The following FOXK2 variants were observed in gnomAD, a reference collection of about 807,000 sequenced individuals.
FOXK2 encodes forkhead box K2, also known as forkhead box protein K2.
In FOXK2, 24 loss-of-function variants were observed where a neutral mutation model predicts 53.3. The observed-to-expected ratio is 0.45, with a 90% confidence interval of 0.33 to 0.63. The LOEUF (loss-of-function observed/expected upper bound fraction) is 0.63. Ranked by LOEUF, FOXK2 falls within the 30% of genes least tolerant of loss-of-function variation. The pLI, the probability that FOXK2 is intolerant of heterozygous loss-of-function variation, is 0.03. For synonymous variants in FOXK2, 505 were observed against 407.1 expected, an observed-to-expected ratio of 1.24 and a Z score of -2.89; for missense variants, 952 against 910.5, an observed-to-expected ratio of 1.05 and a Z score of -0.59.
intron 1 of FOXK2, among the ~76,000 whole-genome samples, chr17:82,538,536 G>T (rs562162469): frequency 6.6e-6 from 1 of 152,216 alleles, no homozygotes; most frequent in Non-Finnish European, 1.5e-5. Context: ...TACCGTCCTC[G>T]CATTTGCCTT....
Position 82,586,044 on chromosome 17 carries a change from G to C in FOXK2, c.1420G>C (p.Val474Leu), listed in dbSNP as rs775896823. The change falls in exon 7 of 9, where the codon GTC becomes CTC. Residue 474 changes from valine to leucine, a missense_variant. Transcript: ENST00000335255. ...QPPVVQTVHVVHQIPAVSVTS... is the reference protein window; with the variant it reads ...QPPVVQTVHVLHQIPAVSVTS... Reference sequence around the variant, plus strand: ...ACCCGTCGTGCAGACGGTTCACGTCGTCCACCAGATCCCAGCGGTGTCGGT... The same window carrying C: ...ACCCGTCGTGCAGACGGTTCACGTCCTCCACCAGATCCCAGCGGTGTCGGT... The C allele has an allele frequency of 1.2e-6, 2 of 1,612,800 alleles. No homozygotes were observed. The highest frequency in any genetic ancestry group is 8.5e-7 in the Non-Finnish European group (1 of 1,179,986).
intron 4 of FOXK2, chr17:82,576,843 C>T (rs542799204): frequency 3.7e-6 from 2 of 544,226 alleles, no homozygotes; most frequent in Admixed American, 2.9e-5. Context: ...AGCAGCTGTT[C>T]TTCAATATAT....
intron 2 of FOXK2, among the ~76,000 whole-genome samples, chr17:82,566,511 C>T (rs139879276): frequency 6.6e-6 from 1 of 152,262 alleles, no homozygotes; most frequent in Non-Finnish European, 1.5e-5. Flanking sequence ...AGTCCTGCCG[C>T]CCAGTGCTTA....
intron 8 of FOXK2, among the ~76,000 whole-genome samples, chr17:82,595,187 C>T (rs2045297329): frequency 6.6e-6 from 1 of 152,208 alleles, no homozygotes; most frequent in Admixed American, 6.5e-5. Context: ...TTGCTTGTTT[C>T]TCTAAGACTT....
chr17:82,519,868 CG>C lies in FOXK2; in HGVS notation c.-16del. 5.1e-6 allele frequency: 5 copies of C among 972,702 alleles called. No individual in the cohort carries two copies. The highest frequency in any genetic ancestry group is 4.9e-6 in the Non-Finnish European group (4 of 822,248). 60.3% of individuals were successfully genotyped at this position (972,702 alleles called of 1,614,324 possible). On this transcript the variant is annotated 5_prime_UTR_variant, in exon 1 of 9. Coordinates refer to ENST00000335255, the MANE Select transcript of FOXK2 (RefSeq NM_004514.4). Reference sequence around the variant, plus strand: ...CCACCGGCGCCCGCGCGGAGCGGCCCGGGGGCCCTCACGCAGGCCCATGGCG... The same window carrying C: ...CCACCGGCGCCCGCGCGGAGCGGCCCGGGGCCCTCACGCAGGCCCATGGCG...
At chr17:82,563,098 T>A (rs2044815126) in intron 1 of FOXK2, among the ~76,000 whole-genome samples, 2 of 152,170 alleles carry the variant, frequency 1.3e-5, no homozygotes, top group African/African-American at 4.8e-5. Flanking sequence ...TGAGCTACGA[T>A]ACCTGGCCTT....
chr17:82,575,945 A>G (rs183199923), intron 4 of FOXK2, among the ~76,000 whole-genome samples: 1,366 of 84,700 alleles, frequency 0.016, no homozygotes, highest in Middle Eastern at 0.069. Flanking sequence ...CGGCGGGTTC[A>G]TCCACACCAG....
chr17:82,554,991 T>G (rs1330634620), intron 1 of FOXK2, among the ~76,000 whole-genome samples: 1 of 152,080 alleles, frequency 6.6e-6, no homozygotes, highest in African/African-American at 2.4e-5. Context: ...TCAGGTGATC[T>G]GCCCGCCTCG....
rs1004488034 is a variant in FOXK2, at chr17:82,582,883, G to A, written c.1052G>A (p.Arg351Gln). 1 of 1,612,514 alleles carries A rather than the reference G, an allele frequency of 6.2e-7. No individual in the cohort carries two copies. The highest frequency in any genetic ancestry group is 8.5e-7 in the Non-Finnish European group (1 of 1,179,756). The change falls in exon 5 of 9, where the codon CGG becomes CAG. Residue 351 changes from arginine (R) to glutamine (Q), a missense_variant. Arg to Gln is a conservative substitution (Grantham distance 43, BLOSUM62 1). Coordinates refer to ENST00000335255, the MANE Select transcript of FOXK2 (RefSeq NM_004514.4). ...ATAGAACAGGCTTTTAGGAAACGAC[G>A]GCCTAGGGGCGTGCCCTGCTTTAGA... is the stretch of plus-strand genomic sequence containing the variant. ...KLIEQAFRKR[R>Q]PRGVPCFRTP...
intron 2 of FOXK2, among the ~76,000 whole-genome samples, chr17:82,566,423 C>T (rs1159007775): frequency 2.0e-5 from 3 of 152,100 alleles, no homozygotes; most frequent in Non-Finnish European, 4.4e-5. Context: ...TGAGAGGCTG[C>T]CCTCTCTCTT....
intron 1 of FOXK2, among the ~76,000 whole-genome samples, chr17:82,531,335 C>T (rs1005999084): frequency 6.6e-6 from 1 of 152,152 alleles, no homozygotes; most frequent in African/African-American, 2.4e-5. Flanking sequence ...AAATGTAAGT[C>T]AGATTAAATT....
Position 82,540,497 on chromosome 17 carries a change from GCCAT to G in FOXK2, c.419+20193_419+20196del, listed in dbSNP as rs143476510. Among the ~76,000 whole-genome samples the G allele has an allele frequency of 4.4e-4, 67 of 152,190 alleles. 1 individual carries two copies. The highest frequency in any genetic ancestry group is 3.4e-3 in the Middle Eastern group (1 of 294). ...GTCTATACCCCCTTTCCCCTGTGTA[GCCAT>G]CCCATTGGCCTGGATGCTTGGGGAT... On this transcript the variant is annotated intron_variant, in intron 1 of 8. Transcript: ENST00000335255.
At chr17:82,568,011 G>A (rs767734176) in intron 2 of FOXK2, 43 bp from the exon 3 acceptor site, 2 of 1,529,338 alleles carry the variant, frequency 1.3e-6, no homozygotes, top group Non-Finnish European at 1.7e-6. Context: ...TAGGATGCGT[G>A]CACTGTGATA....
chr17:82,541,976 G>A (rs1459658301), intron 1 of FOXK2, among the ~76,000 whole-genome samples: 1 of 151,232 alleles, frequency 6.6e-6, no homozygotes, highest in Non-Finnish European at 1.5e-5. Context: ...CACCTTCCCG[G>A]TTCAAGTGAT....
At chr17:82,582,613 A>T (rs1598226882) in intron 4 of FOXK2, 128 bp from the exon 5 acceptor site, 2 of 708,380 alleles carry the variant, frequency 2.8e-6, no homozygotes, top group East Asian at 2.9e-5. Context: ...AAAGAAAAAA[A>T]ATTCACTCTT....
chr17:82,586,010 C>G lies in FOXK2; in HGVS notation c.1386C>G (p.Thr462=). 6.2e-7 allele frequency: 1 copy of G among 1,612,838 alleles called. No homozygotes were observed. The highest frequency in any genetic ancestry group is 8.5e-7 in the Non-Finnish European group (1 of 1,179,980). Residue 462 remains threonine (T), a synonymous_variant, in exon 7 of 9, where the codon ACC becomes ACG. Transcript: ENST00000335255. Reference sequence around the variant, plus strand: ...TGGCCACCCCAGTGACCACCTCGACCTCCCAGCCACCCGTCGTGCAGACGG... The same window carrying G: ...TGGCCACCCCAGTGACCACCTCGACGTCCCAGCCACCCGTCGTGCAGACGG... The part of the protein sequence containing the change: ...YTVATPVTTS[T]SQPPVVQTVH...
chr17:82,532,425 T>G (rs2044480788), intron 1 of FOXK2, among the ~76,000 whole-genome samples: 1 of 152,126 alleles, frequency 6.6e-6, no homozygotes, highest in Admixed American at 6.6e-5. Flanking sequence ...ATTACAGGCG[T>G]GAGCCACTGC....
Position 82,597,487 on chromosome 17 carries a change from C to T in FOXK2, c.1787-3816C>T, listed in dbSNP as rs76051277. Among the ~76,000 whole-genome samples the T allele has an allele frequency of 3.9e-3, 592 of 152,290 alleles. 4 individuals carry two copies. Among genetic ancestry groups the T allele is most frequent in the African/African-American group, 0.014 (563 of 41,560 alleles). On this transcript the variant is annotated intron_variant, in intron 8 of 8. Transcript: ENST00000335255. The stretch of plus-strand genomic sequence containing the variant: ...TCCTTGCGTGCCCTCCACCTCCCTC[C>T]GAGCCTCTGCTGAGACCTCTGCTTC...
chr17:82,559,301 T>C (rs1041655138), intron 1 of FOXK2: 2 of 447,808 alleles, frequency 4.5e-6, no homozygotes, highest in Non-Finnish European at 9.1e-6. Context: ...CTCGCTGTTC[T>C]TCCCATCTCT....
Sources: allele counts gnomAD v4.1 joint callset (sites outside exome capture counted in the v4.1 genomes callset), GRCh38; gene constraint gnomAD v4.1.1; transcripts MANE v1.5; gene names NCBI Gene and HGNC (gene_info 2026-07-23, HGNC 2026-07-21).